BPTF: variants seen among roughly 807,000 people sequenced by gnomAD.
The protein encoded by BPTF is nucleosome-remodeling factor subunit BPTF.
A neutral mutation model predicts 292.5 loss-of-function variants in BPTF; 18 were observed. The observed-to-expected ratio is 0.06, with a 90% confidence interval of 0.04 to 0.09. The LOEUF (loss-of-function observed/expected upper bound fraction) is 0.09. Ranked by LOEUF, BPTF falls within the 10% of genes least tolerant of loss-of-function variation. The pLI is 1.00. For missense variants in BPTF, 2,726 were observed against 3,498.7 expected (o/e 0.78, Z 5.57); for synonymous variants, 1,225 against 1,251.9 (o/e 0.98, Z 0.45).
chr17:67,835,738 T>C (rs1391279548), intron 1 of BPTF, among the ~76,000 whole-genome samples: 2 of 151,242 alleles, frequency 1.3e-5, no homozygotes, highest in Non-Finnish European at 2.9e-5. Flanking sequence ...CGATTTCGGC[T>C]CACTGTGAGC....
At chr17:67,921,723 G>T (rs1475601224) in intron 13 of BPTF, among the ~76,000 whole-genome samples, 1 of 151,884 alleles carries the variant, frequency 6.6e-6, no homozygotes, top group Non-Finnish European at 1.5e-5. Context: ...CCTAGTAGAT[G>T]ATAAATTTTA....
chr17:67,869,644 A>G (rs1337729458), intron 3 of BPTF, among the ~76,000 whole-genome samples: 1 of 152,078 alleles, frequency 6.6e-6, no homozygotes, highest in African/African-American at 2.4e-5. Flanking sequence ...TACAATGAGC[A>G]TGTTATATAG....
rs556492823 is a variant in BPTF, at chr17:67,933,954, G to A, written c.6259+1935G>A. Among the ~76,000 whole-genome samples the A allele has an allele frequency of 4.4e-3, 662 of 152,062 alleles. 3 individuals are homozygous for A. Among genetic ancestry groups the A allele is most frequent in the African/African-American group, 0.015 (633 of 41,474 alleles). The stretch of plus-strand genomic sequence containing the variant: ...GGCACCTTGGGAGGCTGAGGCAAGA[G>A]AATTGCTCGAACTCAGGAGGTGGAG... On this transcript the variant is annotated intron_variant, in intron 18 of 27. Transcript: ENST00000306378.
chr17:67,881,851 GGTTTTTGTTTTTT>G (rs2060429336), intron 4 of BPTF, among the ~76,000 whole-genome samples: 3 of 36,990 alleles, frequency 8.1e-5, no homozygotes, highest in African/African-American at 2.7e-4. Context: ...GGGGATTTTG[GGTTTTTGTTTTTT>G]TTTTTTTTTT....
chr17:67,928,407 C>T lies in BPTF; in HGVS notation c.5804C>T (p.Pro1935Leu). Residue 1935 changes from proline to leucine, a missense_variant, in exon 16 of 28, where the codon CCA (proline) becomes CTA (leucine). Pro to Leu is a moderately conservative substitution (Grantham distance 98). This residue lies in a region of BPTF where 198 missense variants were observed against 277.1 expected (regional missense o/e 0.71). Transcript: ENST00000306378. ...PTVIATSTTSPTSSTTSTISP... is the reference protein window; with the variant it reads ...PTVIATSTTSLTSSTTSTISP... Reference sequence around the variant, plus strand: ...GTGATTGCAACTTCCACTACTTCCCCAACAAGCAGTACAACCAGCACCATC... The same window carrying T: ...GTGATTGCAACTTCCACTACTTCCCTAACAAGCAGTACAACCAGCACCATC... 6.2e-7 allele frequency: 1 copy of T among 1,613,912 alleles called. No individual in the cohort carries two copies. Among genetic ancestry groups the T allele is most frequent in the African/African-American group, 1.3e-5 (1 of 75,024 alleles).
At chr17:67,923,891 A>C (rs2063646820) in intron 14 of BPTF, among the ~76,000 whole-genome samples, 2 of 152,060 alleles carry the variant, frequency 1.3e-5, no homozygotes, top group Admixed American at 6.6e-5. Flanking sequence ...TCTGTCCCCC[A>C]GGCTGGAGTG....
At chr17:67,878,929 A>G (rs1238583649) in intron 4 of BPTF, among the ~76,000 whole-genome samples, 6 of 151,938 alleles carry the variant, frequency 3.9e-5, no homozygotes, top group Non-Finnish European at 8.8e-5. Flanking sequence ...TTTCCTTGTT[A>G]TATATTATAG....
chr17:67,962,344 C>G (rs2067593933), intron 24 of BPTF, among the ~76,000 whole-genome samples: 1 of 152,216 alleles, frequency 6.6e-6, no homozygotes, highest in African/African-American at 2.4e-5. Context: ...GTAATTCTCA[C>G]TATGACTTTG....
chr17:67,868,833 A>G (rs1296636909), intron 3 of BPTF, among the ~76,000 whole-genome samples: 5 of 152,218 alleles, frequency 3.3e-5, no homozygotes. Context: ...TTTTTGGAGA[A>G]TGATAGGCTC....
In BPTF at chr17:67,882,600, C is replaced by G. The variant is rs563126694; in HGVS notation, c.1864+7580C>G. On this transcript the variant is annotated intron_variant, in intron 4 of 27. Coordinates refer to ENST00000306378, the MANE Select transcript of BPTF (RefSeq NM_182641.4). ...TTTTCATAATACCAGTATTATTGTT[C>G]ACACTAAGACTACTGAATGGCATTT... is the stretch of plus-strand genomic sequence containing the variant. 6.6e-5 allele frequency among the ~76,000 whole-genome samples: 10 copies of G among 152,328 alleles called. No individual in the cohort carries two copies. In the East Asian group the frequency reaches 1.3e-3, roughly 21 times the overall value.
chr17:67,968,081 C>T (rs781905243), intron 26 of BPTF, among the ~76,000 whole-genome samples: 2 of 151,192 alleles, frequency 1.3e-5, no homozygotes, highest in African/African-American at 2.5e-5. Flanking sequence ...CGTATCAACA[C>T]GAATGGCTAC....
chr17:67,976,746 T>TCATCA (rs1316734190), intron 27 of BPTF, among the ~76,000 whole-genome samples: 4 of 147,800 alleles, frequency 2.7e-5, no homozygotes, highest in Non-Finnish European at 5.9e-5. Flanking sequence ...CCTGAGCTGA[T>TCATCA]GATTGTCACA....
rs929234574 is a variant in BPTF at position 67,912,560 on chromosome 17, A to G, written c.4676A>G (p.Asn1559Ser). 6.2e-7 allele frequency: 1 copy of G among 1,613,908 alleles called. No individual in the cohort carries two copies. The highest frequency in any genetic ancestry group is 8.5e-7 in the Non-Finnish European group (1 of 1,179,938). The change falls in exon 11 of 28, where the codon AAT becomes AGT. Residue 1559 changes from asparagine to serine, a missense_variant. Physicochemically the swap from Asn to Ser is conservative, Grantham distance 46. This residue lies in a region of BPTF where 144 missense variants were observed against 177.2 expected (regional missense o/e 0.81). Transcript: ENST00000306378. The part of the protein sequence containing the change: ...ITSEEESNLS[N>S]DFIDENGLPI... The stretch of plus-strand genomic sequence containing the variant: ...TCTGAAGAGGAATCTAATCTCAGTA[A>G]TGACTTTATTGATGAAAATGGTCTG...
chr17:67,942,568 A>G (rs1299549387), intron 19 of BPTF, among the ~76,000 whole-genome samples: 1 of 152,174 alleles, frequency 6.6e-6, no homozygotes, highest in Non-Finnish European at 1.5e-5. Context: ...CTTCCTGGAC[A>G]TGGTCTGGTA....
At chr17:67,872,876 G>GT (rs1406850614) in intron 3 of BPTF, among the ~76,000 whole-genome samples, 1 of 152,094 alleles carries the variant, frequency 6.6e-6, no homozygotes, top group Non-Finnish European at 1.5e-5. Flanking sequence ...GCACGGGGGA[G>GT]TTCAAGACCA....
At chr17:67,836,639 C>T (rs981138222) in intron 1 of BPTF, among the ~76,000 whole-genome samples, 2 of 152,192 alleles carry the variant, frequency 1.3e-5, no homozygotes, top group Admixed American at 6.5e-5. Context: ...ACTGATAAAA[C>T]TCCAAGGAGA....
At chr17:67,889,817 G>GA (rs1300144886) in intron 4 of BPTF, among the ~76,000 whole-genome samples, 2 of 151,024 alleles carry the variant, frequency 1.3e-5, no homozygotes, top group Admixed American at 6.6e-5. Flanking sequence ...TCAAAAAAAA[G>GA]AAAAAAAACC....
intron 1 of BPTF, among the ~76,000 whole-genome samples, chr17:67,849,095 AC>A (rs1198657787): frequency 6.6e-6 from 1 of 151,886 alleles, no homozygotes; most frequent in Non-Finnish European, 1.5e-5. Flanking sequence ...AGTTTCCAAA[AC>A]CCTTTCTGCT....
At chr17:67,926,713 G>T (rs1479710128) in intron 15 of BPTF, among the ~76,000 whole-genome samples, 1 of 152,076 alleles carries the variant, frequency 6.6e-6, no homozygotes, top group East Asian at 1.9e-4. Flanking sequence ...CTATAAATAA[G>T]TACTAATATA....
Sources: gnomAD v4.1 joint callset for allele counts (sites outside exome capture counted in the v4.1 genomes callset) on GRCh38, gnomAD v4.1.1 for gene constraint, gnomAD v4.1.1 regional missense constraint, MANE v1.5 for transcripts, NCBI Gene and HGNC (gene_info 2026-07-23, HGNC 2026-07-21) for gene names.